The following ECT2L variants were observed in gnomAD, a reference collection of about 807,000 sequenced individuals.
ECT2L encodes epithelial cell transforming 2 like.
A neutral mutation model predicts 122.8 loss-of-function variants in ECT2L; 126 were observed. The ratio of observed to expected loss-of-function variants is 1.03; its 90% confidence interval spans 0.89 to 1.19. The LOEUF is 1.19. Among genes scored for constraint, ECT2L ranks in the 50% most tolerant of loss-of-function variants. ECT2L has a pLI of 0.00. For missense variants in ECT2L, 1,012 were observed against 1,064.1 expected (o/e 0.95, Z 0.68); for synonymous variants, 385 against 381.8 (o/e 1.01, Z -0.10).
intron 19 of ECT2L, among the ~76,000 whole-genome samples, chr6:138,888,525 G>GC (rs764792565): frequency 2.3e-4 from 35 of 151,918 alleles, no homozygotes; most frequent in Admixed American, 9.2e-4. Context: ...TGTTGGCCAG[G>GC]CTGGTCTCCA....
intron 10 of ECT2L, among the ~76,000 whole-genome samples, chr6:138,855,259 G>C (rs1247709480): frequency 1.3e-5 from 2 of 152,070 alleles, no homozygotes; most frequent in African/African-American, 4.8e-5. Context: ...TGTAATCCCA[G>C]TACTTTGGGA....
At chr6:138,801,773 A>G (rs1371064774) in intron 1 of ECT2L, among the ~76,000 whole-genome samples, 1 of 152,172 alleles carries the variant, frequency 6.6e-6, no homozygotes, top group African/African-American at 2.4e-5. Context: ...AAAAAGAAAA[A>G]AAATTCTCCA....
At chr6:138,843,738 C>T (rs1356326491) in intron 6 of ECT2L, among the ~76,000 whole-genome samples, 1 of 152,144 alleles carries the variant, frequency 6.6e-6, no homozygotes, top group Non-Finnish European at 1.5e-5. Context: ...GTCACCCAGG[C>T]TGTGCAGTAG....
chr6:138,896,844 C>T (rs1005045855), intron 20 of ECT2L, among the ~76,000 whole-genome samples: 2 of 152,030 alleles, frequency 1.3e-5, no homozygotes, highest in Non-Finnish European at 2.9e-5. Flanking sequence ...GACGGGGTTT[C>T]GCCATGTTGG....
At chr6:138,816,726 C>G (rs141879813) in intron 4 of ECT2L, among the ~76,000 whole-genome samples, 3,645 of 152,298 alleles carry the variant, frequency 0.024, 131 homozygotes, top group African/African-American at 0.082. Context: ...ATCTCATGAT[C>G]TGCCTGCCTC....
chr6:138,873,872 C>CTCTGTG (rs772751027), intron 13 of ECT2L, among the ~76,000 whole-genome samples: 3 of 71,380 alleles, frequency 4.2e-5, no homozygotes, highest in South Asian at 6.8e-4. Context: ...AAATCCAGGA[C>CTCTGTG]TGTGTGTGTG....
intron 13 of ECT2L, among the ~76,000 whole-genome samples, chr6:138,874,783 C>G (rs1297304512): frequency 6.6e-6 from 1 of 152,122 alleles, no homozygotes; most frequent in East Asian, 1.9e-4. Context: ...CAGTCTCACT[C>G]CATCATCCAC....
chr6:138,847,591 A>T (rs1259642010), intron 8 of ECT2L, among the ~76,000 whole-genome samples: 2 of 137,522 alleles, frequency 1.5e-5, no homozygotes, highest in Non-Finnish European at 3.1e-5. Context: ...GTTAGCCAGG[A>T]TGGTCTCGAT....
chr6:138,833,888 A>G (rs76478337), intron 4 of ECT2L, among the ~76,000 whole-genome samples: 2,879 of 152,188 alleles, frequency 0.019, 37 homozygotes, highest in Non-Finnish European at 0.028. Flanking sequence ...ACCAAGCCAT[A>G]AAAGTGTTTG....
At chr6:138,827,641 C>T (rs1385372182) in intron 4 of ECT2L, among the ~76,000 whole-genome samples, 1 of 152,168 alleles carries the variant, frequency 6.6e-6, no homozygotes, top group South Asian at 2.1e-4. Flanking sequence ...ACTGCAACCT[C>T]CACCTCCCAG....
At chr6:138,848,419 A>T (rs1227012982) in intron 8 of ECT2L, among the ~76,000 whole-genome samples, 1 of 152,082 alleles carries the variant, frequency 6.6e-6, no homozygotes, top group Non-Finnish European at 1.5e-5. Flanking sequence ...TTTTAATATG[A>T]ATAATATAAA....
rs1406368093 is a variant in ECT2L at position 138,902,764 on chromosome 6, T to A, written c.*137T>A. On this transcript the variant is annotated 3_prime_UTR_variant, in exon 22 of 22. Coordinates refer to ENST00000541398, the MANE Select transcript of ECT2L (RefSeq NM_001077706.3). The stretch of plus-strand genomic sequence containing the variant: ...AGATAAACTAAGATGACCCATAGGA[T>A]CTTTCCAACTTTTAAACTTTATCAC... 8 of 1,063,112 alleles carry A rather than the reference T, an allele frequency of 7.5e-6. No individual in the cohort carries two copies. The Admixed American group carries it at 2.2e-4, about 29-fold the overall frequency. 65.9% of individuals were successfully genotyped at this position (1,063,112 alleles called of 1,614,324 possible). A position where few individuals can be genotyped will look rare whatever the true frequency, so the allele number is the denominator to read the frequency against.
At chr6:138,844,959 A>G (rs1011676686) in intron 7 of ECT2L, among the ~76,000 whole-genome samples, 1 of 152,118 alleles carries the variant, frequency 6.6e-6, no homozygotes, top group African/African-American at 2.4e-5. Flanking sequence ...TTGAAGCTAT[A>G]TTGTGGATGT....
At chr6:138,817,757 C>T (rs933140064) in intron 4 of ECT2L, among the ~76,000 whole-genome samples, 1 of 152,184 alleles carries the variant, frequency 6.6e-6, no homozygotes, top group African/African-American at 2.4e-5. Flanking sequence ...GGTTTAGCTT[C>T]TTAAACCATC....
At chr6:138,871,915 C>T (rs925645660) in intron 13 of ECT2L, among the ~76,000 whole-genome samples, 1 of 152,094 alleles carries the variant, frequency 6.6e-6, no homozygotes, top group Non-Finnish European at 1.5e-5. Flanking sequence ...ACAAAGTGCC[C>T]AAGTGGCTTA....
chr6:138,847,354 ACTTTTTTTT>A (rs1281430930), intron 8 of ECT2L, among the ~76,000 whole-genome samples: 7 of 111,064 alleles, frequency 6.3e-5, no homozygotes, highest in African/African-American at 2.8e-4. Flanking sequence ...AAAGGCCCAA[ACTTTTTTTT>A]TTTTTTTTTT....
rs79756532 is a variant in ECT2L, at chr6:138,849,962, T to C, written c.1069+528T>C. ...GTTCAGTATTGTTTGTTCACATTGT[T>C]GTGAAACAGCTCTCCAAAAATTTTC... is the stretch of plus-strand genomic sequence containing the variant. On this transcript the variant is annotated intron_variant, in intron 9 of 21. Transcript: ENST00000541398. Among the ~76,000 whole-genome samples the C allele has an allele frequency of 8.6e-3, 1,307 of 152,278 alleles. 22 individuals are homozygous for C. Among genetic ancestry groups the C allele is most frequent in the African/African-American group, 0.03 (1,238 of 41,548 alleles).
chr6:138,869,330 A>G (rs918339574), intron 13 of ECT2L, among the ~76,000 whole-genome samples: 1 of 152,152 alleles, frequency 6.6e-6, no homozygotes, highest in African/African-American at 2.4e-5. Context: ...CCACCATCAT[A>G]ATTCTGCTTT....
intron 1 of ECT2L, among the ~76,000 whole-genome samples, chr6:138,806,804 C>A (rs1481489668): frequency 6.6e-6 from 1 of 152,058 alleles, no homozygotes; most frequent in Non-Finnish European, 1.5e-5. Context: ...TGAGCCACTG[C>A]ACCTGGCCAC....
Sources: allele counts gnomAD v4.1 joint callset (sites outside exome capture counted in the v4.1 genomes callset), GRCh38; gene constraint gnomAD v4.1.1; transcripts MANE v1.5; gene names NCBI Gene and HGNC (gene_info 2026-07-23, HGNC 2026-07-21).